Variants in ATXN2 observed in about 807,000 individuals in gnomAD.
ATXN2 encodes ataxin 2, also known as ataxin-2.
ATXN2 carries 37 observed loss-of-function variants against 138.6 expected under a neutral mutation model. The observed-to-expected ratio is 0.27, with a 90% CI of 0.21 to 0.35. The LOEUF (loss-of-function observed/expected upper bound fraction) is 0.35. ATXN2 is among the 10% of genes least tolerant of loss of function. The pLI, the probability that ATXN2 is intolerant of heterozygous loss-of-function variation, is 1.00. For missense variants in ATXN2, 1,216 were observed against 1,480.3 expected (o/e 0.82, Z 2.93); for synonymous variants, 549 against 543.7 (o/e 1.01, Z -0.13).
intron 5 of ATXN2, among the ~76,000 whole-genome samples, chr12:111,540,978 T>A (rs1881468909): frequency 6.7e-6 from 1 of 150,316 alleles, no homozygotes; most frequent in African/African-American, 2.4e-5. Flanking sequence ...ATTACAAGCG[T>A]GAGCACCACA....
At chr12:111,555,830 G>T in intron 2 of ATXN2, 53 bp downstream of exon 2, 3 of 1,460,940 alleles carry the variant, frequency 2.1e-6, no homozygotes, top group Non-Finnish European at 2.8e-6. Context: ...TGTGGTTAGA[G>T]ATCATGTTTT....
intron 1 of ATXN2, among the ~76,000 whole-genome samples, chr12:111,595,634 C>CT (rs1884900475): frequency 6.9e-6 from 1 of 144,908 alleles, no homozygotes; most frequent in Non-Finnish European, 1.5e-5. Flanking sequence ...CACCGAGACT[C>CT]TGTCTCAAAA....
In ATXN2 at chr12:111,598,970, TGCTGC is replaced by T; in HGVS notation, c.60_64del (p.Gln21AlafsTer67). 6.7e-7 allele frequency: 1 copy of T among 1,500,110 alleles called. No homozygotes were observed. The highest frequency in any genetic ancestry group is 8.9e-7 in the Non-Finnish European group (1 of 1,128,384). The allele number at this position is 1,500,110 out of a possible 1,614,324, so 92.9% of individuals were successfully genotyped here. A position where few individuals can be genotyped will look rare whatever the true frequency, so the allele number is the denominator to read the frequency against. ...CGGCGGCTGCTGCTGCTGCTGCTGC[TGCTGC>T]TGTTGCTGCTGCTGCTGCTGCTGCT... On this transcript the variant is annotated frameshift_variant, in exon 1 of 25. Coordinates refer to ENST00000673436, the MANE Select transcript of ATXN2 (RefSeq NM_001372574.1). LOFTEE classifies it high-confidence loss of function. This position sits in a 1 kb window ranked among gnomAD's most constrained non-coding sequence, Gnocchi z 4.5.
chr12:111,520,285 C>A (rs1201620601), intron 7 of ATXN2, among the ~76,000 whole-genome samples: 1 of 152,038 alleles, frequency 6.6e-6, no homozygotes, highest in Non-Finnish European at 1.5e-5. Flanking sequence ...TCCAGAGGAA[C>A]ATATTTCAAA....
chr12:111,572,089 G>T (rs1035598834), intron 1 of ATXN2, among the ~76,000 whole-genome samples: 2 of 151,034 alleles, frequency 1.3e-5, no homozygotes, highest in Non-Finnish European at 2.9e-5. Context: ...ACTGTATATG[G>T]ACTGCAAAGC....
intron 18 of ATXN2, among the ~76,000 whole-genome samples, chr12:111,475,983 C>T (rs961201587): frequency 6.6e-6 from 1 of 151,442 alleles, no homozygotes; most frequent in Non-Finnish European, 1.5e-5. Context: ...ACAGGGTCTC[C>T]TTCTGTCACC....
chr12:111,483,247 CA>C (rs1877388367), intron 18 of ATXN2, among the ~76,000 whole-genome samples: 1 of 148,182 alleles, frequency 6.7e-6, no homozygotes, highest in Non-Finnish European at 1.5e-5. Context: ...ACAAAACACC[CA>C]AAAAAACACA....
intron 5 of ATXN2, among the ~76,000 whole-genome samples, chr12:111,540,626 C>T (rs1313635954): frequency 1.3e-5 from 2 of 149,334 alleles, no homozygotes; most frequent in Non-Finnish European, 3.0e-5. Context: ...ATTTTTAAAA[C>T]TATTTTTCTA....
chr12:111,467,318 T>TTTG (rs1876099907), intron 20 of ATXN2, among the ~76,000 whole-genome samples: 1 of 136,400 alleles, frequency 7.3e-6, no homozygotes, highest in African/African-American at 2.8e-5. Flanking sequence ...TTTTTTTTTT[T>TTTG]TTTTTTTTTT....
intron 1 of ATXN2, among the ~76,000 whole-genome samples, chr12:111,594,789 A>C (rs1249094553): frequency 6.6e-6 from 1 of 152,212 alleles, no homozygotes; most frequent in African/African-American, 2.4e-5. Flanking sequence ...GCTAATAAAA[A>C]ACACTTTCAG....
chr12:111,503,018 G>A (rs572616833), intron 14 of ATXN2, among the ~76,000 whole-genome samples: 1 of 152,150 alleles, frequency 6.6e-6, no homozygotes, highest in Admixed American at 6.5e-5. Context: ...TTCAAACCTA[G>A]GTCCATTTAC....
intron 18 of ATXN2, among the ~76,000 whole-genome samples, chr12:111,484,285 CTT>C (rs771539297): frequency 3.4e-4 from 48 of 141,996 alleles, no homozygotes; most frequent in Non-Finnish European, 4.8e-4. Context: ...TTGGAATTAA[CTT>C]TTTTTTTTTT....
At chr12:111,537,875 C>T (rs954680118) in intron 5 of ATXN2, among the ~76,000 whole-genome samples, 10 of 151,880 alleles carry the variant, frequency 6.6e-5, no homozygotes, top group Non-Finnish European at 1.3e-4. Context: ...GCAGGAGGAT[C>T]ATTTGAGGCC....
intron 1 of ATXN2, among the ~76,000 whole-genome samples, chr12:111,567,798 A>T (rs1024566473): frequency 2.0e-5 from 3 of 152,126 alleles, no homozygotes; most frequent in Non-Finnish European, 4.4e-5. Flanking sequence ...TGGGCAACAG[A>T]CTGTCTCAAA....
intron 5 of ATXN2, among the ~76,000 whole-genome samples, chr12:111,541,493 A>G (rs1881514456): frequency 6.8e-6 from 1 of 147,490 alleles, no homozygotes; most frequent in South Asian, 2.1e-4. Flanking sequence ...CTGGGACTAC[A>G]GGTATGCGCC....
intron 11 of ATXN2, chr12:111,511,526 C>G (rs1592848953): frequency 6.7e-6 from 1 of 149,746 alleles, no homozygotes. Context: ...GTGGCGCGAT[C>G]TCCGCTCACC....
chr12:111,558,331 T>A (rs1332637709), intron 1 of ATXN2, among the ~76,000 whole-genome samples: 1 of 152,178 alleles, frequency 6.6e-6, no homozygotes, highest in Non-Finnish European at 1.5e-5. Flanking sequence ...TTTAATATAG[T>A]AACAAATACT....
intron 5 of ATXN2, among the ~76,000 whole-genome samples, chr12:111,533,282 G>C (rs1002984334): frequency 6.6e-6 from 1 of 152,110 alleles, no homozygotes; most frequent in Non-Finnish European, 1.5e-5. Flanking sequence ...AGCATCTATG[G>C]GGGATTGGTT....
Position 111,548,368 on chromosome 12 carries a change from G to A in ATXN2, c.571+3912C>T, listed in dbSNP as rs540126439. 6.5e-4 allele frequency among the ~76,000 whole-genome samples: 99 copies of A among 152,288 alleles called. 2 individuals are homozygous for A. The Middle Eastern group carries it at 0.031, about 47-fold the overall frequency. On this transcript the variant is annotated intron_variant, in intron 5 of 24. Coordinates refer to ENST00000673436, the MANE Select transcript of ATXN2 (RefSeq NM_001372574.1). The stretch of plus-strand genomic sequence containing the variant: ...ATATGCCTGTTTCCTCATCTATGAC[G>A]TGGATAATAGCTGTATCTACTACAG...
Sources: allele counts gnomAD v4.1 joint callset (sites outside exome capture counted in the v4.1 genomes callset), GRCh38; gene constraint gnomAD v4.1.1; non-coding constraint Gnocchi (gnomAD v3.1); transcripts MANE v1.5; gene names NCBI Gene and HGNC (gene_info 2026-07-23, HGNC 2026-07-21).